Variants in IL15 observed in about 807,000 individuals in gnomAD.
IL15 encodes interleukin-15.
Under a neutral mutation model 19.6 loss-of-function variants are expected in IL15, and 11 were observed. That is an observed-to-expected ratio of 0.56 (90% CI 0.35 to 0.93). The LOEUF (loss-of-function observed/expected upper bound fraction) is 0.93, where lower values mean the gene tolerates loss of function less well. IL15 is among the 40% of genes least tolerant of loss of function. The pLI is 0.01. For synonymous variants in IL15, 58 were observed against 59.6 expected (o/e 0.97, Z 0.12); for missense variants, 197 against 186.5 (o/e 1.06, Z -0.33).
intron 7 of IL15, among the ~76,000 whole-genome samples, chr4:141,731,588 C>T (rs1730454105): frequency 6.6e-6 from 1 of 152,140 alleles, no homozygotes; most frequent in Non-Finnish European, 1.5e-5. Flanking sequence ...GACATACGTG[C>T]TGGAATGCGT....
chr4:141,719,563 T>G (rs1326933056), intron 3 of IL15, 87 bp downstream of exon 3: 2 of 1,068,758 alleles, frequency 1.9e-6, no homozygotes, highest in African/African-American at 1.6e-5. Flanking sequence ...AGTTACATGG[T>G]TATTCTCCAA....
intron 2 of IL15, among the ~76,000 whole-genome samples, chr4:141,664,390 C>CACACAA (rs1553987455): frequency 1.4e-5 from 2 of 139,456 alleles, no homozygotes; most frequent in South Asian, 2.3e-4. Flanking sequence ...CACACACACA[C>CACACAA]AAAACCAACA....
intron 2 of IL15, chr4:141,716,914 G>A (rs1729904813): frequency 6.6e-6 from 1 of 152,170 alleles, no homozygotes; most frequent in Non-Finnish European, 1.5e-5. Context: ...TTTCAGATGA[G>A]TTATCCCTCT....
rs1440924737 is a variant in IL15, at chr4:141,732,991, A to C, written c.*143A>C. The stretch of plus-strand genomic sequence containing the variant: ...AGATGATCAGACCTTGGATCAGATG[A>C]ACTCTTAGAAATGAAGGCAGAAAAA... On this transcript the variant is annotated 3_prime_UTR_variant, in exon 8 of 8. Coordinates refer to ENST00000320650, the MANE Select transcript of IL15 (RefSeq NM_000585.5). 6 of 1,306,542 alleles carry C rather than the reference A, an allele frequency of 4.6e-6. No individual in the cohort carries two copies. Among genetic ancestry groups the C allele is most frequent in the Non-Finnish European group, 6.0e-6 (6 of 994,778 alleles). The allele number at this position is 1,306,542 out of a possible 1,614,324, so 80.9% of individuals were successfully genotyped here.
At chr4:141,644,969 G>T (rs1271192094) in intron 1 of IL15, among the ~76,000 whole-genome samples, 1 of 152,010 alleles carries the variant, frequency 6.6e-6, no homozygotes, top group Non-Finnish European at 1.5e-5. Context: ...TGCACTTTGG[G>T]CTCCTTTTCT....
At chr4:141,687,023 C>G (rs183689900) in intron 2 of IL15, among the ~76,000 whole-genome samples, 5 of 152,224 alleles carry the variant, frequency 3.3e-5, no homozygotes, top group Admixed American at 3.3e-4. Flanking sequence ...TATTTATTTA[C>G]TTAATTCATA....
intron 2 of IL15, among the ~76,000 whole-genome samples, chr4:141,698,802 T>A (rs1316169515): frequency 6.6e-6 from 1 of 152,038 alleles, no homozygotes; most frequent in East Asian, 1.9e-4. Flanking sequence ...TCATTTATCT[T>A]TTGTATTTTT....
rs1237771702 is a variant in IL15, at chr4:141,732,888, A to C, written c.*40A>C. On this transcript the variant is annotated 3_prime_UTR_variant, in exon 8 of 8. Coordinates refer to ENST00000320650, the MANE Select transcript of IL15 (RefSeq NM_000585.5). ...TTTTAAAGTGTTTCTGTTATTAACA[A>C]ACATCACTCTGCTGCTTAGACATAA... The C allele has an allele frequency of 6.3e-7, 1 of 1,593,676 alleles. No homozygotes were observed. Among genetic ancestry groups the C allele is most frequent in the African/African-American group, 1.4e-5 (1 of 73,802 alleles).
At chr4:141,708,204 C>G (rs1306579075) in intron 2 of IL15, among the ~76,000 whole-genome samples, 1 of 152,182 alleles carries the variant, frequency 6.6e-6, no homozygotes, top group Non-Finnish European at 1.5e-5. Context: ...CTGTGCATAT[C>G]TGCCTGTTCC....
intron 2 of IL15, among the ~76,000 whole-genome samples, chr4:141,660,360 G>C (rs570781487): frequency 1.3e-5 from 2 of 152,100 alleles, no homozygotes; most frequent in Admixed American, 6.5e-5. Flanking sequence ...TTTTATTTTA[G>C]CTAGGGATGC....
At chr4:141,703,756 G>A (rs973589376) in intron 2 of IL15, among the ~76,000 whole-genome samples, 2 of 141,432 alleles carry the variant, frequency 1.4e-5, no homozygotes, top group Admixed American at 7.1e-5. Flanking sequence ...AAAAAAAAAG[G>A]TGTATAGATC....
At chr4:141,674,507 A>G (rs1728275666) in intron 2 of IL15, among the ~76,000 whole-genome samples, 1 of 152,038 alleles carries the variant, frequency 6.6e-6, no homozygotes, top group Admixed American at 6.6e-5. Flanking sequence ...AATCGCTTGA[A>G]CCAGGGAGGC....
intron 2 of IL15, among the ~76,000 whole-genome samples, chr4:141,685,376 A>G (rs965994276): frequency 1.3e-5 from 2 of 152,232 alleles, no homozygotes; most frequent in African/African-American, 4.8e-5. Flanking sequence ...ACAAGTACAC[A>G]ACTAAAGAAC....
At chr4:141,697,795 G>T (rs963878352) in intron 2 of IL15, among the ~76,000 whole-genome samples, 3 of 151,100 alleles carry the variant, frequency 2.0e-5, no homozygotes, top group African/African-American at 7.3e-5. Flanking sequence ...CAATTCAATC[G>T]ATGTCTTCTT....
chr4:141,643,362 A>G (rs191992761), intron 1 of IL15, among the ~76,000 whole-genome samples: 71 of 152,296 alleles, frequency 4.7e-4, no homozygotes, highest in African/African-American at 1.5e-3. Context: ...AGGAAAACTT[A>G]CAACCTTAAC....
At chr4:141,656,508 AT>A (rs555060201) in intron 2 of IL15, among the ~76,000 whole-genome samples, 3 of 152,134 alleles carry the variant, frequency 2.0e-5, no homozygotes, top group African/African-American at 7.2e-5. Flanking sequence ...ATTGCACATA[AT>A]TTTTTTTCTG....
intron 2 of IL15, among the ~76,000 whole-genome samples, chr4:141,686,297 AAAATAAATAAAT>A (rs56718878): frequency 4.2e-4 from 59 of 141,156 alleles, no homozygotes; most frequent in East Asian, 3.9e-3. Flanking sequence ...GTTCATCTCA[AAAATAAATAAAT>A]AAATAAATAA....
chr4:141,680,556 G>T (rs1728500528), intron 2 of IL15, among the ~76,000 whole-genome samples: 1 of 152,142 alleles, frequency 6.6e-6, no homozygotes, highest in Admixed American at 6.5e-5. Flanking sequence ...TGTCTTTATG[G>T]GTTGCCACCC....
intron 2 of IL15, among the ~76,000 whole-genome samples, chr4:141,668,027 G>A (rs1246861440): frequency 1.3e-5 from 2 of 152,076 alleles, no homozygotes; most frequent in East Asian, 3.9e-4. Flanking sequence ...AGTTAGTAAA[G>A]TTCCCTTTAC....
Sources: gnomAD v4.1 joint callset for allele counts (sites outside exome capture counted in the v4.1 genomes callset) on GRCh38, gnomAD v4.1.1 for gene constraint, MANE v1.5 for transcripts, NCBI Gene and HGNC (gene_info 2026-07-23, HGNC 2026-07-21) for gene names.